ADAMTS17: variants seen among roughly 807,000 people sequenced by gnomAD.
The protein encoded by ADAMTS17 is A disintegrin and metalloproteinase with thrombospondin motifs 17.
In ADAMTS17, 113 loss-of-function variants were observed where a neutral mutation model predicts 141.5. That is an observed-to-expected ratio of 0.80 (90% CI 0.69 to 0.93). The LOEUF (loss-of-function observed/expected upper bound fraction) is 0.93, where lower values mean the gene tolerates loss of function less well. Among genes scored for constraint, ADAMTS17 ranks in the 40% least tolerant of loss-of-function variants. The pLI, the probability that ADAMTS17 is intolerant of heterozygous loss-of-function variation, is 0.00. For synonymous variants in ADAMTS17, 768 were observed against 630.6 expected, an observed-to-expected ratio of 1.22 and a Z score of -3.27; for missense variants, 1,659 against 1,517.9, an observed-to-expected ratio of 1.09 and a Z score of -1.54.
rs570248483 is a variant in ADAMTS17 at position 100,096,459 on chromosome 15, G to A, written c.2034C>T (p.Gly678=). 1.2e-6 allele frequency: 2 copies of A among 1,614,156 alleles called. No homozygotes were observed. Among genetic ancestry groups the A allele is most frequent in the South Asian group, 1.1e-5 (1 of 91,074 alleles). ...HGKCQKIGCD[G]IIGSAAKEDR... is the part of the protein sequence containing the mutation. Reference sequence around the variant, plus strand: ...CCTCTTTGGCTGCAGACCCGATGATGCCGTCACAGCCGATTTTCTAAAGAA... The same window carrying A: ...CCTCTTTGGCTGCAGACCCGATGATACCGTCACAGCCGATTTTCTAAAGAA... Residue 678 remains glycine (G), a synonymous_variant, in exon 15 of 22, where the codon GGC becomes GGT. Transcript: ENST00000268070.
intron 3 of ADAMTS17, among the ~76,000 whole-genome samples, chr15:100,320,099 T>C (rs1006900376): frequency 4.6e-5 from 7 of 152,060 alleles, no homozygotes; most frequent in Non-Finnish European, 1.0e-4. Flanking sequence ...TAAATGGAGA[T>C]CAGACGTAGT....
At chr15:100,116,666 G>C (rs1327702324) in intron 13 of ADAMTS17, among the ~76,000 whole-genome samples, 181 bp downstream of exon 13, 3 of 152,232 alleles carry the variant, frequency 2.0e-5, no homozygotes, top group African/African-American at 7.2e-5. Context: ...TCAGAGAGCT[G>C]GGTCATTCAA....
intron 18 of ADAMTS17, among the ~76,000 whole-genome samples, chr15:100,027,871 G>A (rs990555915): frequency 6.6e-6 from 1 of 152,206 alleles, no homozygotes; most frequent in Admixed American, 6.5e-5. Context: ...AGTCTCATGA[G>A]TCAGAAGGAG....
chr15:100,338,291 G>A (rs776692725), intron 2 of ADAMTS17, among the ~76,000 whole-genome samples: 15 of 152,058 alleles, frequency 9.9e-5, no homozygotes, highest in Non-Finnish European at 1.8e-4. Flanking sequence ...CTAATAATTC[G>A]TCTCCTTTAA....
intron 19 of ADAMTS17, among the ~76,000 whole-genome samples, chr15:99,996,375 C>T (rs2060802388): frequency 6.6e-6 from 1 of 152,106 alleles, no homozygotes; most frequent in Non-Finnish European, 1.5e-5. Flanking sequence ...GACTGAACAC[C>T]TGCCTCAACC....
At chr15:100,305,427 G>A (rs147993461) in intron 3 of ADAMTS17, among the ~76,000 whole-genome samples, 2 of 152,338 alleles carry the variant, frequency 1.3e-5, no homozygotes, top group Non-Finnish European at 2.9e-5. Flanking sequence ...TGGGTTTGCT[G>A]TATTTACTCA....
intron 13 of ADAMTS17, among the ~76,000 whole-genome samples, chr15:100,112,279 G>A (rs1252944790): frequency 6.6e-6 from 1 of 152,146 alleles, no homozygotes; most frequent in Non-Finnish European, 1.5e-5. Flanking sequence ...CTCACCTGCA[G>A]ACACTGCCCT....
At chr15:100,095,450 CTG>C (rs1019330821) in intron 15 of ADAMTS17, among the ~76,000 whole-genome samples, 3 of 152,128 alleles carry the variant, frequency 2.0e-5, no homozygotes, top group Non-Finnish European at 4.4e-5. Context: ...CGGGGCTGTT[CTG>C]TGAGACAGGG....
chr15:100,188,592 T>A (rs2040807815), intron 8 of ADAMTS17, among the ~76,000 whole-genome samples: 1 of 152,202 alleles, frequency 6.6e-6, no homozygotes, highest in South Asian at 2.1e-4. Context: ...ATCCAAGAGT[T>A]TGATGTGCTC....
At chr15:100,237,411 T>C (rs959096112) in intron 7 of ADAMTS17, among the ~76,000 whole-genome samples, 3 of 152,004 alleles carry the variant, frequency 2.0e-5, no homozygotes, top group African/African-American at 7.3e-5. Flanking sequence ...GCTGAGCAGC[T>C]CTGTCCTGGC....
chr15:99,971,826 A>AG lies in ADAMTS17; in HGVS notation c.*2575dup, dbSNP rs1459420570. On this transcript the variant is annotated 3_prime_UTR_variant, in exon 22 of 22. Transcript: ENST00000268070. ...TGCAAGCACAAAGGTACAGTACTCG[A>AG]GGGACAGTACAGGGTATTAACACAG... 1 of 151,220 alleles carries AG rather than the reference A, an allele frequency of 6.6e-6. No homozygotes were observed. Among genetic ancestry groups the AG allele is most frequent in the Non-Finnish European group, 1.5e-5 (1 of 68,050 alleles). 9.4% of individuals were successfully genotyped at this position (151,220 alleles called of 1,614,324 possible).
intron 3 of ADAMTS17, among the ~76,000 whole-genome samples, chr15:100,323,175 CATA>C (rs1391487774): frequency 2.0e-5 from 3 of 150,962 alleles, no homozygotes; most frequent in South Asian, 2.1e-4. Context: ...TAATTTATAG[CATA>C]ATATTTACTT....
chr15:100,246,021 T>C (rs1046714101), intron 7 of ADAMTS17, among the ~76,000 whole-genome samples: 5 of 152,184 alleles, frequency 3.3e-5, no homozygotes, highest in African/African-American at 9.7e-5. Flanking sequence ...AAGGCAGGAA[T>C]GTTCTCGGGA....
chr15:100,251,270 A>C (rs1226475234), intron 7 of ADAMTS17, among the ~76,000 whole-genome samples: 1 of 152,212 alleles, frequency 6.6e-6, no homozygotes, highest in Non-Finnish European at 1.5e-5. Context: ...AGTGAGACGC[A>C]TGCACCTGGG....
intron 8 of ADAMTS17, among the ~76,000 whole-genome samples, chr15:100,158,212 A>T (rs1339283936): frequency 6.6e-6 from 1 of 151,992 alleles, no homozygotes; most frequent in African/African-American, 2.4e-5. Flanking sequence ...AGTGAGTTCT[A>T]TTTTTTCAAT....
chr15:100,287,518 A>G (rs2044485890), intron 3 of ADAMTS17, among the ~76,000 whole-genome samples: 2 of 152,210 alleles, frequency 1.3e-5, no homozygotes. Context: ...CAACATTCAA[A>G]TTCAGGAAAT....
intron 3 of ADAMTS17, among the ~76,000 whole-genome samples, chr15:100,290,304 C>T (rs1156938656): frequency 6.6e-6 from 1 of 152,102 alleles, no homozygotes; most frequent in Non-Finnish European, 1.5e-5. Flanking sequence ...TAACCAAGGA[C>T]ACGCAAAATC....
At chr15:100,029,781 T>C (rs575044660) in intron 18 of ADAMTS17, among the ~76,000 whole-genome samples, 1 of 152,350 alleles carries the variant, frequency 6.6e-6, no homozygotes, top group African/African-American at 2.4e-5. Context: ...AATCTGGTGA[T>C]TTCCACCATG....
In ADAMTS17 at chr15:100,177,323, C is replaced by T. The variant is rs574478126; in HGVS notation, c.1181+21995G>A. 1.2e-4 allele frequency among the ~76,000 whole-genome samples: 19 copies of T among 152,310 alleles called. No individual in the cohort carries two copies. In the South Asian group the frequency reaches 3.9e-3, roughly 32 times the overall value. On this transcript the variant is annotated intron_variant, in intron 8 of 21. Transcript: ENST00000268070. ...CTCTCAGCACTGCTCTAGCTATATC[C>T]CACAAATTTTGATAAAATGGGTTTT...
Sources: gnomAD v4.1 joint callset for allele counts (sites outside exome capture counted in the v4.1 genomes callset) on GRCh38, gnomAD v4.1.1 for gene constraint, MANE v1.5 for transcripts, NCBI Gene and HGNC (gene_info 2026-07-23, HGNC 2026-07-21) for gene names.